The following NEMP2 variants were observed in gnomAD, a reference collection of about 807,000 sequenced individuals.
NEMP2 encodes nuclear envelope integral membrane protein 2.
A neutral mutation model predicts 54.2 loss-of-function variants in NEMP2; 53 were observed. That is an observed-to-expected ratio of 0.98 (90% confidence interval 0.78 to 1.23). The LOEUF (loss-of-function observed/expected upper bound fraction) is 1.23. Among genes scored for constraint, NEMP2 ranks in the 50% most tolerant of loss-of-function variants. The pLI, the probability that NEMP2 is intolerant of heterozygous loss-of-function variation, is 0.00. For synonymous variants in NEMP2, 197 were observed against 190.3 expected (o/e 1.04, Z -0.29); for missense variants, 455 against 511.3 (o/e 0.89, Z 1.06).
At chr2:190,429,997 G>GCCCCCCAC in the NEMP2 span, among the ~76,000 whole-genome samples, 1 of 106,714 alleles carries the variant, frequency 9.4e-6, no homozygotes, top group Non-Finnish European at 1.9e-5. Context: ...CCCTCCCCCA[G>GCCCCCCAC]CTCCCCACCC....
the NEMP2 span, among the ~76,000 whole-genome samples, chr2:190,476,549 GAAC>G: frequency 6.6e-6 from 1 of 152,054 alleles, no homozygotes; most frequent in Non-Finnish European, 1.5e-5. Flanking sequence ...AAAAGTCAGG[GAAC>G]AACAGGTGCT....
At chr2:190,422,321 TG>T in the NEMP2 span, among the ~76,000 whole-genome samples, 2 of 152,200 alleles carry the variant, frequency 1.3e-5, no homozygotes, top group Non-Finnish European at 2.9e-5. Context: ...TTGTCATTCC[TG>T]GGATCTCCAG....
At chr2:190,563,977 C>G in the NEMP2 span, among the ~76,000 whole-genome samples, 1 of 152,224 alleles carries the variant, frequency 6.6e-6, no homozygotes, top group Non-Finnish European at 1.5e-5. The surrounding 1 kb of genome is among the most constrained non-coding windows in gnomAD (Gnocchi z 4.3). Context: ...CTGAATCACC[C>G]TAATGTTGCT....
At chr2:190,567,717 C>T in the NEMP2 span, among the ~76,000 whole-genome samples, 8 of 152,100 alleles carry the variant, frequency 5.3e-5, no homozygotes, top group East Asian at 1.2e-3. This position sits in a 1 kb window ranked among gnomAD's most constrained non-coding sequence, Gnocchi z 4.0. Context: ...GGCATGATCT[C>T]GACTCACTGC....
the NEMP2 span, among the ~76,000 whole-genome samples, chr2:190,441,375 A>G: frequency 3.2e-4 from 49 of 151,560 alleles, no homozygotes; most frequent in African/African-American, 1.1e-3. Context: ...GAGGCATTCA[A>G]CGTTTTTACA....
chr2:190,428,147 T>G, the NEMP2 span, among the ~76,000 whole-genome samples: 2 of 152,220 alleles, frequency 1.3e-5, no homozygotes, highest in East Asian at 3.8e-4. Context: ...ATATTATGTT[T>G]GTGAGATTCA....
At chr2:190,588,349 G>T in the NEMP2 span, among the ~76,000 whole-genome samples, 1 of 152,160 alleles carries the variant, frequency 6.6e-6, no homozygotes, top group East Asian at 1.9e-4. This position sits in a 1 kb window ranked among gnomAD's most constrained non-coding sequence, Gnocchi z 5.0. Flanking sequence ...CAATCTTTCT[G>T]TCTCTTTCTC....
the NEMP2 span, among the ~76,000 whole-genome samples, chr2:190,491,849 A>G: frequency 2.6e-5 from 4 of 152,228 alleles, no homozygotes; most frequent in African/African-American, 7.2e-5. The surrounding 1 kb of genome is among the most constrained non-coding windows in gnomAD (Gnocchi z 4.2). Context: ...AAGGTCCATT[A>G]TTAAGTTAAT....
At chr2:190,639,186 G>A in the NEMP2 span, among the ~76,000 whole-genome samples, 1 of 151,874 alleles carries the variant, frequency 6.6e-6, no homozygotes, top group Admixed American at 6.6e-5. Context: ...AATTTTTTTT[G>A]TAGCTAGTTG....
the NEMP2 span, among the ~76,000 whole-genome samples, chr2:190,556,346 T>G: frequency 6.6e-6 from 1 of 152,164 alleles, no homozygotes; most frequent in South Asian, 2.1e-4. Flanking sequence ...ATAAGAGCCA[T>G]TTATGACAAA....
At position 190,509,445 on chromosome 2, in the gene NEMP2, A is replaced by G. The variant is rs142763321; in HGVS notation, c.1131-133T>C. 1,111 of 982,826 alleles carry G rather than the reference A, an allele frequency of 1.1e-3. 6 individuals are homozygous for G. The highest frequency in any genetic ancestry group is 6.8e-3 in the Middle Eastern group (22 of 3,212). The allele number at this position is 982,826 out of a possible 1,614,324, so 60.9% of individuals were successfully genotyped here. A position where few individuals can be genotyped will look rare whatever the true frequency, so the allele number is the denominator to read the frequency against. On this transcript the variant is annotated intron_variant, in intron 8 of 8. Transcript: ENST00000409150. This position sits in a 1 kb window ranked among gnomAD's most constrained non-coding sequence, Gnocchi z 6.1. ...CATCAATACAGGGTGGCATTTACAC[A>G]GTGGGTGTAAAAATGGGAATGGCTT...
At chr2:190,600,429 C>T in the NEMP2 span, among the ~76,000 whole-genome samples, 1 of 152,122 alleles carries the variant, frequency 6.6e-6, no homozygotes, top group Non-Finnish European at 1.5e-5. The surrounding 1 kb of genome is among the most constrained non-coding windows in gnomAD (Gnocchi z 4.9). Context: ...TTCGCCAAAA[C>T]TCATGTTGAA....
the NEMP2 span, among the ~76,000 whole-genome samples, chr2:190,467,586 C>T: frequency 6.6e-6 from 1 of 152,112 alleles, no homozygotes; most frequent in Non-Finnish European, 1.5e-5. The surrounding 1 kb of genome is among the most constrained non-coding windows in gnomAD (Gnocchi z 5.5). Context: ...GCTCTCTAGC[C>T]TCGGCAACAG....
the NEMP2 span, among the ~76,000 whole-genome samples, chr2:190,443,176 C>G: frequency 1.3e-5 from 2 of 152,004 alleles, no homozygotes; most frequent in Non-Finnish European, 2.9e-5. The surrounding 1 kb of genome is among the most constrained non-coding windows in gnomAD (Gnocchi z 4.2). Context: ...GGGCCTAAGA[C>G]ATAAGCAAGG....
At chr2:190,448,247 C>CT in the NEMP2 span, among the ~76,000 whole-genome samples, 1 of 152,210 alleles carries the variant, frequency 6.6e-6, no homozygotes, top group East Asian at 1.9e-4. Context: ...ACCAATTTAG[C>CT]ACTCTATGCT....
chr2:190,438,528 A>C, the NEMP2 span, among the ~76,000 whole-genome samples: 1 of 151,960 alleles, frequency 6.6e-6, no homozygotes, highest in Admixed American at 6.6e-5. The surrounding 1 kb of genome is among the most constrained non-coding windows in gnomAD (Gnocchi z 5.2). Context: ...AAAAGAGAAC[A>C]CCCTGTAAGT....
the NEMP2 span, among the ~76,000 whole-genome samples, chr2:190,639,338 A>C: frequency 0.22 from 32,455 of 150,556 alleles, 3,657 homozygotes; most frequent in Non-Finnish European, 0.25. Flanking sequence ...GATGACATTA[A>C]AGTGCTTGAC....
the NEMP2 span, among the ~76,000 whole-genome samples, chr2:190,643,045 T>TTG: frequency 4.8e-4 from 59 of 123,484 alleles, no homozygotes; most frequent in Non-Finnish European, 9.8e-4. Context: ...TTTTTTTTTT[T>TTG]GGGTCAAAAG....
chr2:190,448,571 A>T, the NEMP2 span, among the ~76,000 whole-genome samples: 1 of 152,220 alleles, frequency 6.6e-6, no homozygotes, highest in Admixed American at 6.5e-5. Flanking sequence ...TCAAAATAAT[A>T]CACAATTCAG....
Sources: gnomAD v4.1 joint callset for allele counts (sites outside exome capture counted in the v4.1 genomes callset) on GRCh38, gnomAD v4.1.1 for gene constraint, Gnocchi (gnomAD v3.1) non-coding constraint, MANE v1.5 for transcripts, NCBI Gene and HGNC (gene_info 2026-07-23, HGNC 2026-07-21) for gene names.